The following ADAM22 variants were observed in gnomAD, a reference collection of about 807,000 sequenced individuals.
ADAM22 encodes ADAM metallopeptidase domain 22, also known as disintegrin and metalloproteinase domain-containing protein 22.
ADAM22 carries 65 observed loss-of-function variants against 144.6 expected under a neutral mutation model. The observed-to-expected ratio is 0.45, with a 90% CI of 0.37 to 0.55. The LOEUF (loss-of-function observed/expected upper bound fraction) is 0.55, where lower values mean the gene tolerates loss of function less well. ADAM22 is among the 20% of genes least tolerant of loss of function. The pLI is 0.00. For synonymous variants in ADAM22, 391 were observed against 412.6 expected (o/e 0.95, Z 0.63); for missense variants, 974 against 1,184.9 (o/e 0.82, Z 2.61).
At chr7:87,961,660 G>T (rs922833783) in intron 2 of ADAM22, among the ~76,000 whole-genome samples, 2 of 152,178 alleles carry the variant, frequency 1.3e-5, no homozygotes, top group Non-Finnish European at 2.9e-5. Flanking sequence ...CTGCCGTAAA[G>T]CTTACTAAGT....
chr7:87,940,447 A>T (rs1343921602), intron 2 of ADAM22, among the ~76,000 whole-genome samples: 1 of 152,220 alleles, frequency 6.6e-6, no homozygotes, highest in African/African-American at 2.4e-5. Context: ...TTCAATTTTC[A>T]TCCCCAAATT....
intron 8 of ADAM22, 52 bp downstream of exon 8, chr7:88,125,711 C>A: frequency 1.4e-6 from 2 of 1,402,182 alleles, no homozygotes; most frequent in African/African-American, 3.0e-5. Context: ...TGTCAACTGC[C>A]AGTCATTTGA....
At chr7:88,129,540 A>G (rs930312801) in intron 9 of ADAM22, among the ~76,000 whole-genome samples, 1 of 152,112 alleles carries the variant, frequency 6.6e-6, no homozygotes, top group Non-Finnish European at 1.5e-5. Context: ...TCTAAGTTTT[A>G]TCTTTCCACC....
chr7:87,957,553 G>A (rs1847070563), intron 2 of ADAM22, among the ~76,000 whole-genome samples: 1 of 151,970 alleles, frequency 6.6e-6, no homozygotes, highest in South Asian at 2.1e-4. Context: ...CAACTGGTGT[G>A]CATCCTTTCC....
chr7:88,028,655 G>A (rs1223880128), intron 3 of ADAM22, among the ~76,000 whole-genome samples: 2 of 151,252 alleles, frequency 1.3e-5, no homozygotes, highest in African/African-American at 4.9e-5. Flanking sequence ...AATATATCTG[G>A]GTGCACCAAT....
At position 87,991,076 on chromosome 7, in the gene ADAM22, AGTTG is replaced by A. The variant is rs756796190; in HGVS notation, c.323+12668_323+12671del. On this transcript the variant is annotated intron_variant, in intron 3 of 31. Transcript: ENST00000413139. ...CTTTGTGATATTCAAATCTTTCTAA[AGTTG>A]GTTTATAGAAGCCCTTTTGATTTCT... Among the ~76,000 whole-genome samples, 9 of 152,272 alleles carry A rather than the reference AGTTG, an allele frequency of 5.9e-5. No individual in the cohort carries two copies. The East Asian group carries it at 1.7e-3, about 29-fold the overall frequency.
Position 88,178,991 on chromosome 7 carries a change from G to T in ADAM22, c.2357G>T (p.Ser786Ile). The T allele has an allele frequency of 6.2e-7, 1 of 1,613,186 alleles. No individual in the cohort carries two copies. The highest frequency in any genetic ancestry group is 1.3e-5 in the African/African-American group (1 of 74,990). Residue 786 changes from serine to isoleucine, a missense_variant, in exon 27 of 32, where the codon AGC becomes ATC. Ser to Ile is a moderately radical substitution (Grantham distance 142, BLOSUM62 -2). Transcript: ENST00000413139. ...CCTGGAGATGGTGACTCTTTTTATA[G>T]CGACATTCCTCCCGGAGTCAGCACA... The part of the protein sequence containing the change: ...KKPGDGDSFY[S>I]DIPPGVSTNS...
chr7:87,972,733 AG>A (rs1284452750), intron 2 of ADAM22, among the ~76,000 whole-genome samples: 1 of 152,240 alleles, frequency 6.6e-6, no homozygotes, highest in African/African-American at 2.4e-5. Context: ...GTACCAAAAC[AG>A]AGGTATAGAT....
intron 2 of ADAM22, among the ~76,000 whole-genome samples, chr7:87,974,712 C>T (rs1220558483): frequency 6.6e-6 from 1 of 152,204 alleles, no homozygotes; most frequent in Non-Finnish European, 1.5e-5. Flanking sequence ...CCTGAAACAA[C>T]AACAACTTAT....
Position 88,151,242 on chromosome 7 carries a change from G to A in ADAM22, c.1618-15G>A, listed in dbSNP as rs1436822997. The A allele has an allele frequency of 3.1e-6, 5 of 1,613,904 alleles. No homozygotes were observed. Among genetic ancestry groups the A allele is most frequent in the Non-Finnish European group, 4.2e-6 (5 of 1,179,962 alleles). ...GATATTGCATCGCTAATGGGTATTTGCTTTTCCGTTTTAGGGAATTTGCTT... is the reference window on the plus strand; with the variant it reads ...GATATTGCATCGCTAATGGGTATTTACTTTTCCGTTTTAGGGAATTTGCTT... On this transcript the variant is annotated splice_polypyrimidine_tract_variant and intron_variant, in intron 19 of 31. Transcript: ENST00000413139.
In ADAM22 at chr7:88,125,599, A is replaced by G. The variant is rs1361492991; in HGVS notation, c.618A>G (p.Gln206=). 3 of 1,593,260 alleles carry G rather than the reference A, an allele frequency of 1.9e-6. No individual in the cohort carries two copies. The highest frequency in any genetic ancestry group is 2.6e-6 in the Non-Finnish European group (3 of 1,170,110). ...TTAATTTCCTTTTAGAATTTCAGCA[A>G]GTAAACATTACTCCATCAAAATTTA... ...SLDDLPSEFQ[Q]VNITPSKFIL... is the part of the protein sequence containing the mutation. Residue 206 remains glutamine, a synonymous_variant, in exon 8 of 32, where the codon CAA becomes CAG. Transcript: ENST00000413139.
At chr7:88,020,402 A>G (rs1188849979) in intron 3 of ADAM22, among the ~76,000 whole-genome samples, 1 of 152,190 alleles carries the variant, frequency 6.6e-6, no homozygotes, top group African/African-American at 2.4e-5. Context: ...TGGTGCCACA[A>G]TCATGTGACA....
intron 4 of ADAM22, among the ~76,000 whole-genome samples, chr7:88,101,343 A>G (rs1182514628): frequency 6.6e-6 from 1 of 152,042 alleles, no homozygotes; most frequent in Non-Finnish European, 1.5e-5. Flanking sequence ...ATGGAGGGGG[A>G]GAAGGCTATG....
At chr7:88,098,169 G>T (rs1821950432) in intron 4 of ADAM22, among the ~76,000 whole-genome samples, 1 of 152,086 alleles carries the variant, frequency 6.6e-6, no homozygotes, top group Non-Finnish European at 1.5e-5. Context: ...AGCTGTGTTT[G>T]ACTTAGTAAA....
rs554221952 is a variant in ADAM22 at position 88,186,660 on chromosome 7, G to C, written c.2709G>C (p.Trp903Cys). The C allele has an allele frequency of 6.2e-7, 1 of 1,612,456 alleles. No homozygotes were observed. Among genetic ancestry groups the C allele is most frequent in the South Asian group, 1.1e-5 (1 of 91,038 alleles). ...WFKRDYNVAK[W>C]VEDVNKNTEG... ...AAAGAGACTATAATGTAGCTAAGTGGGTAGAAGATGTGAATAAAAACACTG... is the reference window on the plus strand; with the variant it reads ...AAAGAGACTATAATGTAGCTAAGTGCGTAGAAGATGTGAATAAAAACACTG... The change falls in exon 30 of 32, where the codon TGG (tryptophan) becomes TGC (cysteine). Residue 903 changes from tryptophan (W) to cysteine (C), a missense_variant. Physicochemically the swap from Trp to Cys is radical, Grantham distance 215. Coordinates refer to ENST00000413139, the MANE Select transcript of ADAM22 (RefSeq NM_001324418.2).
chr7:88,185,131 C>A (rs1847998258), intron 29 of ADAM22, among the ~76,000 whole-genome samples: 1 of 152,126 alleles, frequency 6.6e-6, no homozygotes, highest in Admixed American at 6.5e-5. Flanking sequence ...CAGTGGAAAT[C>A]TTTATGCAAG....
chr7:88,114,558 C>A (rs373691038), intron 5 of ADAM22, 26 bp from the exon 6 acceptor site: 14 of 1,609,296 alleles, frequency 8.7e-6, no homozygotes, highest in Non-Finnish European at 1.2e-5. Flanking sequence ...GATGGCCATG[C>A]CTAATTATTT....
chr7:87,987,581 C>T lies in ADAM22; in HGVS notation c.323+9169C>T, dbSNP rs1428481705. 2.6e-5 allele frequency among the ~76,000 whole-genome samples: 4 copies of T among 152,292 alleles called. No individual in the cohort carries two copies. In the East Asian group the frequency reaches 7.7e-4, roughly 29 times the overall value. ...AGGTTTGACACATTGGGTTCCCAGA[C>T]ATATTTAATGTAATTTGTTTATGAT... On this transcript the variant is annotated intron_variant, in intron 3 of 31. Transcript: ENST00000413139.
chr7:87,978,429 A>G lies in ADAM22; in HGVS notation c.323+17A>G. ...GCTAAATCAGTAAGTGTTGAGTTGCACTTGCTTTTGTCAGATACACATTGA... is the reference window on the plus strand; with the variant it reads ...GCTAAATCAGTAAGTGTTGAGTTGCGCTTGCTTTTGTCAGATACACATTGA... On this transcript the variant is annotated intron_variant, in intron 3 of 31. Transcript: ENST00000413139. 2 of 1,608,884 alleles carry G rather than the reference A, an allele frequency of 1.2e-6. No homozygotes were observed.
Sources: gnomAD v4.1 joint callset for allele counts (sites outside exome capture counted in the v4.1 genomes callset) on GRCh38, gnomAD v4.1.1 for gene constraint, MANE v1.5 for transcripts, NCBI Gene and HGNC (gene_info 2026-07-23, HGNC 2026-07-21) for gene names.